The following PTPRN2 variants were observed in gnomAD, a reference collection of about 807,000 sequenced individuals.
PTPRN2 encodes protein tyrosine phosphatase receptor type N2.
In PTPRN2, 74 loss-of-function variants were observed where a neutral mutation model predicts 118.8. The ratio of observed to expected loss-of-function variants is 0.62; its 90% confidence interval spans 0.52 to 0.76. PTPRN2 has a LOEUF of 0.76. Ranked by LOEUF, PTPRN2 falls within the 30% of genes least tolerant of loss-of-function variation. The pLI is 0.00. For synonymous variants in PTPRN2, 641 were observed against 608.0 expected (o/e 1.05, Z -0.80); for missense variants, 1,481 against 1,394.4 (o/e 1.06, Z -0.99).
intron 3 of PTPRN2, among the ~76,000 whole-genome samples, chr7:158,260,766 G>A (rs757887136): frequency 3.3e-5 from 5 of 152,110 alleles, no homozygotes; most frequent in African/African-American, 9.7e-5. Context: ...TCGCTGCCAC[G>A]CCTACACAAG....
chr7:158,070,930 T>C (rs1017742291), intron 11 of PTPRN2, among the ~76,000 whole-genome samples: 17 of 49,894 alleles, frequency 3.4e-4, no homozygotes, highest in South Asian at 1.7e-3. Flanking sequence ...CTGGAGGTGC[T>C]CCTGGTGGTG....
intron 12 of PTPRN2, among the ~76,000 whole-genome samples, chr7:157,777,885 C>A (rs534662626): frequency 1.9e-4 from 29 of 151,968 alleles, no homozygotes; most frequent in Non-Finnish European, 4.3e-4. Flanking sequence ...TTCTTTCAAC[C>A]ACTGCTGAGG....
intron 3 of PTPRN2, among the ~76,000 whole-genome samples, chr7:158,274,140 AGGGAGCCGCAGACACAGG>A (rs1410844193): frequency 5.8e-5 from 4 of 68,544 alleles, no homozygotes; most frequent in Admixed American, 1.5e-4. Context: ...CCGCAGACAC[AGGGAGCCGCAGACACAGG>A]GGGAGCCGCA....
At chr7:158,524,003 C>T (rs1824535512) in intron 1 of PTPRN2, among the ~76,000 whole-genome samples, 1 of 79,174 alleles carries the variant, frequency 1.3e-5, no homozygotes. Flanking sequence ...GGAGTGGAGT[C>T]GTCTACCCTG....
intron 2 of PTPRN2, among the ~76,000 whole-genome samples, chr7:158,443,914 C>T (rs781186539): frequency 9.2e-5 from 14 of 152,210 alleles, no homozygotes; most frequent in South Asian, 2.1e-4. Context: ...CACCCTACCC[C>T]GAGTCCTGGG....
rs34262923 is a variant in PTPRN2 at position 158,534,316 on chromosome 7, C to T, written c.113-44531G>A. 6.5e-4 allele frequency among the ~76,000 whole-genome samples: 56 copies of T among 86,288 alleles called. No individual in the cohort carries two copies. In the East Asian group the frequency reaches 0.01, roughly 16 times the overall value. 56.6% of individuals were successfully genotyped at this position (86,288 alleles called of 152,430 possible). On this transcript the variant is annotated intron_variant, in intron 1 of 22. Coordinates refer to ENST00000389418, the MANE Select transcript of PTPRN2 (RefSeq NM_002847.5). ...GTGCAGGTTGTGACCACCCACGCCCCGGGCTCCGTCAGGGATGGCTGTGGG... is the reference window on the plus strand; with the variant it reads ...GTGCAGGTTGTGACCACCCACGCCCTGGGCTCCGTCAGGGATGGCTGTGGG...
intron 12 of PTPRN2, among the ~76,000 whole-genome samples, chr7:157,790,100 A>G (rs1168981665): frequency 1.2e-4 from 9 of 75,404 alleles, no homozygotes; most frequent in Admixed American, 3.4e-4. Flanking sequence ...TGGTGGTGAC[A>G]TGTGTGTATG....
chr7:157,651,451 T>C (rs1310205769), intron 14 of PTPRN2, among the ~76,000 whole-genome samples: 1 of 152,150 alleles, frequency 6.6e-6, no homozygotes, highest in Non-Finnish European at 1.5e-5. Context: ...ATTATTTAAG[T>C]CGAATGGAGA....
At chr7:157,667,242 G>A (rs930978567) in intron 13 of PTPRN2, among the ~76,000 whole-genome samples, 1 of 119,878 alleles carries the variant, frequency 8.3e-6, no homozygotes, top group African/African-American at 3.0e-5. Flanking sequence ...TCTCTGGTGT[G>A]TGCAATGAGT....
At chr7:158,568,596 T>A in intron 1 of PTPRN2, among the ~76,000 whole-genome samples, 1 of 152,108 alleles carries the variant, frequency 6.6e-6, no homozygotes, top group East Asian at 1.9e-4. Context: ...TTATAACAAA[T>A]ACTCTAAACA....
chr7:157,560,024 G>A lies in PTPRN2; in HGVS notation c.2902+8878C>T, dbSNP rs944046918. Among the ~76,000 whole-genome samples, 2 of 152,234 alleles carry A rather than the reference G, an allele frequency of 1.3e-5. No individual in the cohort carries two copies. The highest frequency in any genetic ancestry group is 2.9e-5 in the Non-Finnish European group (2 of 68,038). On this transcript the variant is annotated intron_variant, in intron 21 of 22. Transcript: ENST00000389418. This position sits in a 1 kb window ranked among gnomAD's most constrained non-coding sequence, Gnocchi z 6.7. ...GCTGGTGCCAGCACCCGGGACCAAGGAGGGAGCTTGCAGAAGGGACAGCCC... is the reference window on the plus strand; with the variant it reads ...GCTGGTGCCAGCACCCGGGACCAAGAAGGGAGCTTGCAGAAGGGACAGCCC...
intron 2 of PTPRN2, among the ~76,000 whole-genome samples, chr7:158,481,497 C>T: frequency 6.6e-6 from 1 of 152,224 alleles, no homozygotes; most frequent in East Asian, 1.9e-4. Context: ...TAGAGTCTTG[C>T]TCTGTCGCCC....
At chr7:158,514,220 T>C (rs989886946) in intron 1 of PTPRN2, among the ~76,000 whole-genome samples, 2 of 152,206 alleles carry the variant, frequency 1.3e-5, no homozygotes, top group Admixed American at 6.5e-5. Context: ...GTATACCTGG[T>C]ATACCTCTGG....
chr7:157,908,620 A>T (rs1797910413), intron 11 of PTPRN2, among the ~76,000 whole-genome samples: 1 of 152,218 alleles, frequency 6.6e-6, no homozygotes, highest in Non-Finnish European at 1.5e-5. Context: ...GAGACAGGAC[A>T]TGCATGACTC....
At chr7:157,864,347 T>C (rs987236245) in intron 12 of PTPRN2, 4 of 152,102 alleles carry the variant, frequency 2.6e-5, no homozygotes, top group Non-Finnish European at 5.9e-5. Flanking sequence ...ACGGGCTGTA[T>C]CAGGCAGATG....
intron 11 of PTPRN2, among the ~76,000 whole-genome samples, chr7:158,048,544 A>C (rs1357235473): frequency 6.6e-6 from 1 of 151,998 alleles, no homozygotes; most frequent in South Asian, 2.1e-4. Flanking sequence ...ATATCATCCC[A>C]CCAGCACCAT....
chr7:158,333,250 C>T (rs1243167075), intron 2 of PTPRN2, among the ~76,000 whole-genome samples: 2 of 123,796 alleles, frequency 1.6e-5, no homozygotes, highest in East Asian at 4.7e-4. Flanking sequence ...CCCAAAAGAG[C>T]TGTCGCCCGC....
At chr7:158,330,627 G>C (rs62480924) in intron 2 of PTPRN2, among the ~76,000 whole-genome samples, 24 of 53,610 alleles carry the variant, frequency 4.5e-4, no homozygotes, top group African/African-American at 1.5e-3. Flanking sequence ...ACCATAAGAG[G>C]TGACATCTGC....
intron 2 of PTPRN2, among the ~76,000 whole-genome samples, chr7:158,333,459 C>T (rs1181939690): frequency 2.0e-5 from 3 of 146,902 alleles, no homozygotes; most frequent in Admixed American, 2.0e-4. Context: ...GTCTCTCACA[C>T]CCACACTCTC....
Sources: allele counts gnomAD v4.1 joint callset (sites outside exome capture counted in the v4.1 genomes callset), GRCh38; gene constraint gnomAD v4.1.1; non-coding constraint Gnocchi (gnomAD v3.1); transcripts MANE v1.5; gene names NCBI Gene and HGNC (gene_info 2026-07-23, HGNC 2026-07-21).